Variants in PDLIM5 observed in about 807,000 individuals in gnomAD.
PDLIM5 encodes the protein PDZ and LIM domain protein 5.
In PDLIM5, 34 loss-of-function variants were observed where a neutral mutation model predicts 64.2. That is an observed-to-expected ratio of 0.53 (90% CI 0.40 to 0.71). The LOEUF (loss-of-function observed/expected upper bound fraction) is 0.71. Among genes scored for constraint, PDLIM5 ranks in the 30% least tolerant of loss-of-function variants. The probability of loss-of-function intolerance (pLI) is 0.00; values close to 1 mark genes in which losing one functional copy is unlikely to be tolerated. For missense variants in PDLIM5, 683 were observed against 733.6 expected, an observed-to-expected ratio of 0.93 and a Z score of 0.80; for synonymous variants, 253 against 269.1, an observed-to-expected ratio of 0.94 and a Z score of 0.59.
chr4:94,647,547 G>A (rs1741512627), intron 9 of PDLIM5, among the ~76,000 whole-genome samples: 1 of 152,076 alleles, frequency 6.6e-6, no homozygotes. Context: ...AATAATAATA[G>A]TTGGAAACTT....
chr4:94,544,015 G>A (rs956418643), intron 3 of PDLIM5, among the ~76,000 whole-genome samples: 4 of 152,082 alleles, frequency 2.6e-5, no homozygotes, highest in African/African-American at 7.2e-5. Flanking sequence ...TTTCCATAAT[G>A]GTTGTACTAG....
rs145294856 is a variant in PDLIM5 at position 94,522,398 on chromosome 4, T to C, written c.97-1326T>C. 1.6e-3 allele frequency among the ~76,000 whole-genome samples: 239 copies of C among 152,304 alleles called. 1 individual carries two copies. Among genetic ancestry groups the C allele is most frequent in the Non-Finnish European group, 2.4e-3 (162 of 68,024 alleles). ...TTTTATTTTTTATTTTTTGAGGGGA[T>C]GGAGTCTTGCTCTGTTGCCCAAGCT... On this transcript the variant is annotated intron_variant, in intron 2 of 12. Coordinates refer to ENST00000317968, the MANE Select transcript of PDLIM5 (RefSeq NM_006457.5).
intron 9 of PDLIM5, among the ~76,000 whole-genome samples, chr4:94,642,083 G>A (rs531956331): frequency 1.7e-3 from 256 of 152,226 alleles, no homozygotes; most frequent in Admixed American, 3.7e-3. Flanking sequence ...GTTTAATATC[G>A]ATAAAATAGA....
At chr4:94,589,745 TCTTTTCTTTTCTTTC>T (rs1736532098) in intron 7 of PDLIM5, among the ~76,000 whole-genome samples, 1 of 151,664 alleles carries the variant, frequency 6.6e-6, no homozygotes, top group African/African-American at 2.4e-5. Flanking sequence ...TCTTTTCTTT[TCTTTTCTTTTCTTTC>T]CTTTTCCTTC....
At chr4:94,493,675 G>A (rs1727074788) in intron 2 of PDLIM5, among the ~76,000 whole-genome samples, 1 of 151,818 alleles carries the variant, frequency 6.6e-6, no homozygotes, top group Non-Finnish European at 1.5e-5. Flanking sequence ...ATTTCCTTAG[G>A]GTAAACCAAG....
rs572575447 is a variant in PDLIM5, at chr4:94,556,475, T to G, written c.249-16876T>G. Among the ~76,000 whole-genome samples, 33 of 152,286 alleles carry G rather than the reference T, an allele frequency of 2.2e-4. No homozygotes were observed. The East Asian group carries it at 6.2e-3, about 29-fold the overall frequency. ...TTTTAGTTCTAGATCCTTGAGGAAT[T>G]GCCACACTGTCTTCCACAATGGTTG... On this transcript the variant is annotated intron_variant, in intron 3 of 12. Transcript: ENST00000317968.
intron 8 of PDLIM5, among the ~76,000 whole-genome samples, chr4:94,623,134 T>C (rs12649976): frequency 0.48 from 72,207 of 151,936 alleles, 17,400 homozygotes; most frequent in South Asian, 0.68. Flanking sequence ...ACATTGTTAC[T>C]GTCCAAAAAC....
At chr4:94,531,136 G>A (rs1050492185) in intron 3 of PDLIM5, among the ~76,000 whole-genome samples, 3 of 151,196 alleles carry the variant, frequency 2.0e-5, no homozygotes, top group Admixed American at 6.6e-5. Context: ...GGTATTTCAC[G>A]TACTTTTCTA....
chr4:94,469,249 C>G (rs1414126854), intron 2 of PDLIM5, among the ~76,000 whole-genome samples: 37 of 151,980 alleles, frequency 2.4e-4, no homozygotes, highest in Admixed American at 2.4e-3. Context: ...ACAAAAAAAA[C>G]AAAAAACATA....
At chr4:94,463,754 G>C (rs1440626648) in intron 2 of PDLIM5, among the ~76,000 whole-genome samples, 1 of 152,214 alleles carries the variant, frequency 6.6e-6, no homozygotes, top group Non-Finnish European at 1.5e-5. Context: ...TTGAATTCTA[G>C]TCTTTAGCTC....
chr4:94,607,982 G>A lies in PDLIM5; in HGVS notation c.921-10022G>A, dbSNP rs535410287. ...TTGAACTAGTAGACATTTAAAAGATGGTATAGATGATAAATGTCTTTTGTA... is the reference window on the plus strand; with the variant it reads ...TTGAACTAGTAGACATTTAAAAGATAGTATAGATGATAAATGTCTTTTGTA... On this transcript the variant is annotated intron_variant, in intron 7 of 12. Transcript: ENST00000317968. The A allele has an allele frequency of 1.0e-4, 101 of 971,400 alleles. No individual in the cohort carries two copies. The South Asian group carries it at 1.7e-3, about 17-fold the overall frequency. The allele number at this position is 971,400 out of a possible 1,614,324, so 60.2% of individuals were successfully genotyped here.
chr4:94,666,740 A>G lies in PDLIM5; in HGVS notation c.*2673A>G, dbSNP rs1743098632. ...TTTTCATCAGACCTTCTTTCTACAT[A>G]TTATTCATGAAGCATAATGTTGCAT... On this transcript the variant is annotated 3_prime_UTR_variant, in exon 13 of 13. Transcript: ENST00000317968. The G allele has an allele frequency of 6.6e-6, 1 of 152,202 alleles. No homozygotes were observed. 9.4% of individuals were successfully genotyped at this position (152,202 alleles called of 1,614,324 possible).
At chr4:94,533,306 A>G (rs2110162114) in intron 3 of PDLIM5, among the ~76,000 whole-genome samples, 1 of 152,280 alleles carries the variant, frequency 6.6e-6, no homozygotes, top group South Asian at 2.1e-4. Context: ...TTTTTTTTTA[A>G]CATATGAAAG....
chr4:94,647,044 G>A (rs1741471120), intron 9 of PDLIM5, among the ~76,000 whole-genome samples: 1 of 151,910 alleles, frequency 6.6e-6, no homozygotes, highest in Non-Finnish European at 1.5e-5. Context: ...CTCACTATTA[G>A]CTGATGACTT....
At chr4:94,642,397 T>C (rs1174501874) in intron 9 of PDLIM5, among the ~76,000 whole-genome samples, 1 of 152,168 alleles carries the variant, frequency 6.6e-6, no homozygotes, top group East Asian at 1.9e-4. Flanking sequence ...AGAAATTACA[T>C]TTCACCACCC....
At chr4:94,573,763 A>T (rs1418981061) in intron 4 of PDLIM5, 2 of 212,234 alleles carry the variant, frequency 9.4e-6, no homozygotes, top group Non-Finnish European at 1.9e-5. Flanking sequence ...TTTATTAATA[A>T]GTGCTTAATT....
At chr4:94,466,686 T>G (rs963639789) in intron 2 of PDLIM5, among the ~76,000 whole-genome samples, 1 of 152,210 alleles carries the variant, frequency 6.6e-6, no homozygotes, top group Non-Finnish European at 1.5e-5. Flanking sequence ...ACAGATCTGC[T>G]TTTCTCTAAC....
chr4:94,494,307 A>G (rs1192001193), intron 2 of PDLIM5, among the ~76,000 whole-genome samples: 1 of 151,664 alleles, frequency 6.6e-6, no homozygotes, highest in Non-Finnish European at 1.5e-5. Context: ...TTCTGCATGT[A>G]TACCTTGAAA....
intron 5 of PDLIM5, among the ~76,000 whole-genome samples, chr4:94,579,885 T>C (rs1735597753): frequency 1.3e-5 from 2 of 152,168 alleles, no homozygotes; most frequent in Non-Finnish European, 2.9e-5. Context: ...GTGAATAACA[T>C]GTAAAACTGA....
Sources: gnomAD v4.1 joint callset for allele counts (sites outside exome capture counted in the v4.1 genomes callset) on GRCh38, gnomAD v4.1.1 for gene constraint, MANE v1.5 for transcripts, NCBI Gene and HGNC (gene_info 2026-07-23, HGNC 2026-07-21) for gene names.